The following CLASP2 variants were observed in gnomAD, a reference collection of about 807,000 sequenced individuals.
CLASP2 encodes CLIP-associating protein 2.
In CLASP2, 47 loss-of-function variants were observed where a neutral mutation model predicts 194.4. The ratio of observed to expected loss-of-function variants is 0.24; its 90% CI spans 0.19 to 0.31. The LOEUF (loss-of-function observed/expected upper bound fraction) is 0.31, where lower values mean the gene tolerates loss of function less well. Ranked by LOEUF, CLASP2 falls within the 10% of genes least tolerant of loss-of-function variation. CLASP2 has a pLI of 1.00. For missense variants in CLASP2, 1,445 were observed against 1,823.6 expected (o/e 0.79, Z 3.78); for synonymous variants, 619 against 633.5 (o/e 0.98, Z 0.34).
intron 20 of CLASP2, 89 bp downstream of exon 20, chr3:33,594,862 A>T: frequency 1.6e-6 from 1 of 642,780 alleles, no homozygotes; most frequent in Non-Finnish European, 2.3e-6. Flanking sequence ...CAAAGAAATT[A>T]GCCTATTTTA....
intron 17 of CLASP2, among the ~76,000 whole-genome samples, chr3:33,603,755 T>C (rs1339808012): frequency 6.6e-6 from 1 of 152,190 alleles, no homozygotes; most frequent in African/African-American, 2.4e-5. Flanking sequence ...CCTGAGTAGC[T>C]GGGATTATGG....
intron 2 of CLASP2, among the ~76,000 whole-genome samples, chr3:33,690,896 T>C (rs2091278482): frequency 6.6e-6 from 1 of 152,090 alleles, no homozygotes; most frequent in African/African-American, 2.4e-5. Flanking sequence ...GCATCAGGGA[T>C]TGGTTCTGTG....
chr3:33,602,527 T>G, intron 18 of CLASP2: 1 of 761,676 alleles, frequency 1.3e-6, no homozygotes. Flanking sequence ...AATATATGTT[T>G]AGGGTTTGGT....
At chr3:33,651,761 G>A (rs527355019) in intron 7 of CLASP2, among the ~76,000 whole-genome samples, 1 of 149,894 alleles carries the variant, frequency 6.7e-6, no homozygotes, top group East Asian at 2.0e-4. Context: ...CCGAGTTCAA[G>A]CGATTCCACT....
chr3:33,682,202 C>G (rs1351101736), intron 6 of CLASP2, among the ~76,000 whole-genome samples: 1 of 151,840 alleles, frequency 6.6e-6, no homozygotes, highest in Non-Finnish European at 1.5e-5. Context: ...ATTTATGAAA[C>G]AACTGGAAAT....
At chr3:33,505,682 T>C (rs1488717249) in intron 37 of CLASP2, among the ~76,000 whole-genome samples, 1 of 152,218 alleles carries the variant, frequency 6.6e-6, no homozygotes, top group East Asian at 1.9e-4. Flanking sequence ...TAATAACATC[T>C]GAACCTACTG....
At chr3:33,652,970 T>C (rs1227927004) in intron 7 of CLASP2, among the ~76,000 whole-genome samples, 1 of 152,206 alleles carries the variant, frequency 6.6e-6, no homozygotes, top group Non-Finnish European at 1.5e-5. Context: ...TCTCTGCCTA[T>C]ACTACTACCA....
rs1462846197 is a variant in CLASP2 at position 33,689,862 on chromosome 3, T to C, written c.345A>G (p.Ile115Met). 2 of 1,597,558 alleles carry C rather than the reference T, an allele frequency of 1.3e-6. No individual in the cohort carries two copies. Among genetic ancestry groups the C allele is most frequent in the African/African-American group, 1.3e-5 (1 of 74,826 alleles). ...DKVRDEAQTLILKLMDQVAPP... is the reference protein window; with the variant it reads ...DKVRDEAQTLMLKLMDQVAPP... ...GTGCTACTTGATCCATTAACTTCAA[T>C]ATCAGAGTCTGAGCTTCATCTCGAA... The change falls in exon 3 of 39, where the codon ATA becomes ATG. Residue 115 changes from isoleucine (I) to methionine (M), a missense_variant. Coordinates refer to ENST00000682230, the MANE Select transcript of CLASP2 (RefSeq NM_001365631.1).
In CLASP2 at chr3:33,497,140, C is replaced by T. The variant is rs1305609657; in HGVS notation, c.*1491G>A. On this transcript the variant is annotated 3_prime_UTR_variant, in exon 39 of 39. Coordinates refer to ENST00000682230, the MANE Select transcript of CLASP2 (RefSeq NM_001365631.1). The stretch of plus-strand genomic sequence containing the variant: ...GGATATAGAGAAACTTTTCCTGCTG[C>T]TAGAACAGAAAGAAAGGGGAAAGCC... 2 of 152,538 alleles carry T rather than the reference C, an allele frequency of 1.3e-5. No individual in the cohort carries two copies. Among genetic ancestry groups the T allele is most frequent in the Admixed American group, 6.5e-5 (1 of 15,270 alleles). 9.4% of individuals were successfully genotyped at this position (152,538 alleles called of 1,614,324 possible). A position where few individuals can be genotyped will look rare whatever the true frequency, so the allele number is the denominator to read the frequency against.
intron 6 of CLASP2, among the ~76,000 whole-genome samples, chr3:33,669,509 T>C (rs937004448): frequency 7.3e-5 from 11 of 151,598 alleles, no homozygotes; most frequent in African/African-American, 2.7e-4. Flanking sequence ...TTGAAGCATA[T>C]AGCATTGACA....
In CLASP2 at chr3:33,696,940, A is replaced by G; in HGVS notation, c.196-7T>C. 1 of 1,500,836 alleles carries G rather than the reference A, an allele frequency of 6.7e-7. No homozygotes were observed. Among genetic ancestry groups the G allele is most frequent in the South Asian group, 1.2e-5 (1 of 83,488 alleles). 93.0% of individuals were successfully genotyped at this position (1,500,836 alleles called of 1,614,324 possible). A position where few individuals can be genotyped will look rare whatever the true frequency, so the allele number is the denominator to read the frequency against. On this transcript the variant is annotated splice_polypyrimidine_tract_variant and splice_region_variant and intron_variant, in intron 1 of 38. Coordinates refer to ENST00000682230, the MANE Select transcript of CLASP2 (RefSeq NM_001365631.1). The stretch of plus-strand genomic sequence containing the variant: ...CCAATCCCATTAATGATACCTACAG[A>G]TAAAAAGGGATTTTAATGAATATAA...
chr3:33,597,906 C>A (rs1404648472), intron 18 of CLASP2, among the ~76,000 whole-genome samples: 2 of 152,024 alleles, frequency 1.3e-5, no homozygotes, highest in South Asian at 2.1e-4. Context: ...GCATGTGCCA[C>A]CACGCCTGGC....
At chr3:33,678,668 T>TA (rs1173259029) in intron 6 of CLASP2, among the ~76,000 whole-genome samples, 1 of 151,974 alleles carries the variant, frequency 6.6e-6, no homozygotes, top group Non-Finnish European at 1.5e-5. Flanking sequence ...AGGAAAATGA[T>TA]ACAGGTCAAA....
At chr3:33,663,376 T>C (rs575701927) in intron 7 of CLASP2, 69 bp downstream of exon 7, 40 of 1,140,614 alleles carry the variant, frequency 3.5e-5, no homozygotes, top group Non-Finnish European at 4.9e-5. Context: ...CAGTGATATA[T>C]AATACATTTT....
intron 34 of CLASP2, 39 bp from the exon 35 acceptor site, chr3:33,517,213 G>C: frequency 6.7e-7 from 1 of 1,497,286 alleles, no homozygotes; most frequent in Non-Finnish European, 9.0e-7. Context: ...TAACTTTATA[G>C]GGTGACTCTC....
intron 20 of CLASP2, among the ~76,000 whole-genome samples, chr3:33,593,165 CT>C (rs1213100008): frequency 6.6e-6 from 1 of 152,198 alleles, no homozygotes; most frequent in African/African-American, 2.4e-5. Context: ...CCTCATTCCC[CT>C]CCACAAAACT....
intron 34 of CLASP2, among the ~76,000 whole-genome samples, chr3:33,523,007 C>T (rs1305993956): frequency 3.3e-5 from 5 of 152,102 alleles, no homozygotes; most frequent in South Asian, 2.1e-4. Flanking sequence ...ACCCAGGAGG[C>T]GGAGCTTGCA....
intron 21 of CLASP2, among the ~76,000 whole-genome samples, chr3:33,587,165 G>A (rs1340359951): frequency 1.3e-5 from 2 of 149,952 alleles, no homozygotes; most frequent in Admixed American, 6.7e-5. Flanking sequence ...TTGCTCTGTC[G>A]CCCAGGCTGG....
intron 14 of CLASP2, among the ~76,000 whole-genome samples, 193 bp from the exon 15 acceptor site, chr3:33,607,654 G>A (rs1216456082): frequency 6.6e-6 from 1 of 151,864 alleles, no homozygotes; most frequent in Non-Finnish European, 1.5e-5. Context: ...ATTCATGTAT[G>A]GTTTCCTTCT....
Sources: allele counts gnomAD v4.1 joint callset (sites outside exome capture counted in the v4.1 genomes callset), GRCh38; gene constraint gnomAD v4.1.1; transcripts MANE v1.5; gene names NCBI Gene and HGNC (gene_info 2026-07-23, HGNC 2026-07-21).